PRKN: variants seen among roughly 807,000 people sequenced by gnomAD.
PRKN encodes the protein parkin RBR E3 ubiquitin protein ligase.
PRKN carries 56 observed loss-of-function variants against 59.5 expected under a neutral mutation model. The observed-to-expected ratio is 0.94, with a 90% confidence interval of 0.76 to 1.18. The LOEUF is 1.18. Ranked by LOEUF, PRKN falls within the 50% of genes most tolerant of loss-of-function variation. The pLI, the probability that PRKN is intolerant of heterozygous loss-of-function variation, is 0.00. For synonymous variants in PRKN, 250 were observed against 222.1 expected, an observed-to-expected ratio of 1.13 and a Z score of -1.12; for missense variants, 657 against 596.4, an observed-to-expected ratio of 1.10 and a Z score of -1.06.
intron 1 of PRKN, among the ~76,000 whole-genome samples, chr6:162,591,723 G>A (rs1284715830): frequency 2.6e-5 from 4 of 151,982 alleles, no homozygotes; most frequent in Admixed American, 2.0e-4. Flanking sequence ...TAACTCAGCA[G>A]TAATTTAAAA....
chr6:161,741,833 A>G (rs1287172030), intron 7 of PRKN, among the ~76,000 whole-genome samples: 1 of 152,164 alleles, frequency 6.6e-6, no homozygotes, highest in Admixed American at 6.5e-5. Flanking sequence ...GTGAATTGTA[A>G]TAATCCCCAC....
intron 9 of PRKN, among the ~76,000 whole-genome samples, chr6:161,421,127 A>C (rs1788084717): frequency 6.6e-6 from 1 of 152,172 alleles, no homozygotes; most frequent in African/African-American, 2.4e-5. Flanking sequence ...AATCATGTGA[A>C]GTTCACCTGG....
At chr6:162,091,988 A>T (rs1373631586) in intron 4 of PRKN, among the ~76,000 whole-genome samples, 1 of 151,084 alleles carries the variant, frequency 6.6e-6, no homozygotes, top group East Asian at 1.9e-4. Flanking sequence ...GTAAGCTGTG[A>T]TTGGGCCACT....
intron 4 of PRKN, among the ~76,000 whole-genome samples, chr6:162,144,584 A>AT (rs759203330): frequency 2.0e-5 from 3 of 152,184 alleles, no homozygotes; most frequent in African/African-American, 4.8e-5. Flanking sequence ...CACGAACTGT[A>AT]GGACCTATGG....
chr6:162,189,677 T>C (rs1784189736), intron 4 of PRKN, among the ~76,000 whole-genome samples: 1 of 151,892 alleles, frequency 6.6e-6, no homozygotes, highest in South Asian at 2.1e-4. Flanking sequence ...AATTTTTTGG[T>C]CATACTCCAT....
At chr6:161,389,341 T>A (rs1440769492) in intron 9 of PRKN, among the ~76,000 whole-genome samples, 1 of 152,202 alleles carries the variant, frequency 6.6e-6, no homozygotes. Flanking sequence ...AAGGAAACAA[T>A]CTCTTCAGAG....
chr6:162,658,538 G>C (rs1393126108), intron 1 of PRKN, among the ~76,000 whole-genome samples: 1 of 151,928 alleles, frequency 6.6e-6, no homozygotes, highest in Non-Finnish European at 1.5e-5. Context: ...GCGGGTGACT[G>C]TAATCCCAGC....
At chr6:161,902,008 G>A (rs184604499) in intron 6 of PRKN, among the ~76,000 whole-genome samples, 2 of 152,230 alleles carry the variant, frequency 1.3e-5, no homozygotes, top group African/African-American at 4.8e-5. Context: ...CTGACACACG[G>A]GGCTTTGCTT....
At chr6:162,368,485 GT>G (rs1785572112) in intron 2 of PRKN, among the ~76,000 whole-genome samples, 1 of 151,892 alleles carries the variant, frequency 6.6e-6, no homozygotes, top group African/African-American at 2.4e-5. Context: ...GACATGGAAG[GT>G]CATCCTTCTT....
chr6:161,433,010 T>C (rs1400882032), intron 9 of PRKN, among the ~76,000 whole-genome samples: 2 of 152,172 alleles, frequency 1.3e-5, no homozygotes, highest in African/African-American at 2.4e-5. Flanking sequence ...AATAATTTCA[T>C]GGCAAAGGGC....
chr6:161,642,770 C>A (rs945245794), intron 7 of PRKN, among the ~76,000 whole-genome samples: 1 of 152,062 alleles, frequency 6.6e-6, no homozygotes, highest in Non-Finnish European at 1.5e-5. Flanking sequence ...AGAGGCAGAG[C>A]CAAGGATAGA....
chr6:161,691,933 A>T (rs9346877), intron 7 of PRKN, among the ~76,000 whole-genome samples: 151,898 of 152,238 alleles, frequency 1, 75,780 homozygotes, highest in Middle Eastern at 1. Context: ...AAAGACAGAA[A>T]CTGTGATGAC....
chr6:161,382,111 CA>C (rs59174358), intron 10 of PRKN, among the ~76,000 whole-genome samples: 5,351 of 46,192 alleles, frequency 0.12, 167 homozygotes, highest in African/African-American at 0.26. Context: ...GACTCCATCT[CA>C]AAAAAAAAAA....
intron 7 of PRKN, among the ~76,000 whole-genome samples, chr6:161,756,794 A>C (rs1788945056): frequency 6.6e-6 from 1 of 152,190 alleles, no homozygotes; most frequent in Admixed American, 6.5e-5. Flanking sequence ...ATAACTTTGA[A>C]AAGGAAGAAC....
At position 162,218,192 on chromosome 6, in the gene PRKN, G is replaced by C. The variant is rs372524743; in HGVS notation, c.413-16940C>G. 1.8e-4 allele frequency among the ~76,000 whole-genome samples: 27 copies of C among 152,346 alleles called. No individual in the cohort carries two copies. In the East Asian group the frequency reaches 5.0e-3, roughly 28 times the overall value. On this transcript the variant is annotated intron_variant, in intron 3 of 11. Transcript: ENST00000366898. ...GTGATGGAGGTGCTTTCCAGAAGGC[G>C]GTGCTGACCAGGCCGCTCCCTGCGG... is the stretch of plus-strand genomic sequence containing the variant.
At chr6:161,612,357 AT>A (rs1782517415) in intron 7 of PRKN, among the ~76,000 whole-genome samples, 1 of 152,218 alleles carries the variant, frequency 6.6e-6, no homozygotes. Flanking sequence ...TTAGGAGCTA[AT>A]ATAGCTGGTG....
chr6:162,624,996 C>T (rs113772548), intron 1 of PRKN, among the ~76,000 whole-genome samples: 3,066 of 152,320 alleles, frequency 0.02, 103 homozygotes, highest in African/African-American at 0.069. Flanking sequence ...CTATGCCCTT[C>T]CTTCTGGGAA....
intron 1 of PRKN, among the ~76,000 whole-genome samples, chr6:162,560,469 A>G (rs1043369730): frequency 6.6e-6 from 1 of 152,216 alleles, no homozygotes. Context: ...GGCCAAATGC[A>G]TCTTCTAAGT....
chr6:162,094,627 G>T (rs547343096), intron 4 of PRKN, among the ~76,000 whole-genome samples: 1 of 152,218 alleles, frequency 6.6e-6, no homozygotes, highest in African/African-American at 2.4e-5. Flanking sequence ...TGACTGGAAA[G>T]ACTATTCATA....
Sources: gnomAD v4.1 joint callset for allele counts (sites outside exome capture counted in the v4.1 genomes callset) on GRCh38, gnomAD v4.1.1 for gene constraint, MANE v1.5 for transcripts, NCBI Gene and HGNC (gene_info 2026-07-23, HGNC 2026-07-21) for gene names.